The following CACNA1A variants were observed in gnomAD, a reference collection of about 807,000 sequenced individuals.
CACNA1A encodes the protein voltage-dependent P/Q-type calcium channel subunit alpha-1A.
CACNA1A carries 57 observed loss-of-function variants against 262.4 expected under a neutral mutation model. The observed-to-expected ratio is 0.22, with a 90% confidence interval of 0.18 to 0.27. CACNA1A has a LOEUF of 0.27. Ranked by LOEUF, CACNA1A falls within the 10% of genes least tolerant of loss-of-function variation. The pLI is 1.00. For synonymous variants in CACNA1A, 1,431 were observed against 1,419.3 expected (o/e 1.01, Z -0.18); for missense variants, 2,526 against 3,562.8 (o/e 0.71, Z 7.41).
Position 13,241,894 on chromosome 19 carries a change from G to C in CACNA1A, c.4950+3288C>G, listed in dbSNP as rs1334829761. Among the ~76,000 whole-genome samples the C allele has an allele frequency of 1.3e-5, 2 of 152,196 alleles. No individual in the cohort carries two copies. Among genetic ancestry groups the C allele is most frequent in the Non-Finnish European group, 2.9e-5 (2 of 68,038 alleles). ...TCACCCCAGCCACTTGGGGGCAGCA[G>C]CTGAGACAGCACTGGTTAGTACTGC... On this transcript the variant is annotated intron_variant, in intron 31 of 46. Coordinates refer to ENST00000360228, the MANE Select transcript of CACNA1A (RefSeq NM_001127222.2). The surrounding 1 kb of genome is among the most constrained non-coding windows in gnomAD (Gnocchi z 4.0).
intron 3 of CACNA1A, among the ~76,000 whole-genome samples, chr19:13,429,479 T>G (rs1393095692): frequency 6.9e-6 from 1 of 145,610 alleles, no homozygotes; most frequent in Admixed American, 7.2e-5. Context: ...ACACGAGAGA[T>G]GTGTGCCCCC....
intron 3 of CACNA1A, among the ~76,000 whole-genome samples, chr19:13,375,349 T>A (rs1198767502): frequency 1.3e-5 from 2 of 152,106 alleles, no homozygotes; most frequent in African/African-American, 4.8e-5. Flanking sequence ...GCCTTCCTAT[T>A]CCCCGAGACA....
At chr19:13,293,708 G>A (rs181687018) in intron 19 of CACNA1A, among the ~76,000 whole-genome samples, 3 of 150,402 alleles carry the variant, frequency 2.0e-5, no homozygotes, top group African/African-American at 4.9e-5. Context: ...CGCTCACCTC[G>A]GCCTCCCAAA....
At chr19:13,483,574 G>A (rs62111566) in intron 1 of CACNA1A, among the ~76,000 whole-genome samples, 2 of 152,176 alleles carry the variant, frequency 1.3e-5, no homozygotes, top group African/African-American at 2.4e-5. Flanking sequence ...TGAAAATTCC[G>A]GGAAGATAGC....
chr19:13,318,890 C>CTTTTTTTTTTTTTTTTT (rs751530649), intron 10 of CACNA1A, among the ~76,000 whole-genome samples: 23 of 114,668 alleles, frequency 2.0e-4, no homozygotes, highest in African/African-American at 3.7e-4. Flanking sequence ...TAAAATACAT[C>CTTTTTTTTTTTTTTTTT]TTTTTTTTTT....
At chr19:13,333,724 C>G (rs552638541) in intron 8 of CACNA1A, 1 of 152,272 alleles carries the variant, frequency 6.6e-6, no homozygotes, top group South Asian at 2.1e-4. Context: ...CGTGAGCCAC[C>G]GCGCCCGGCC....
chr19:13,395,220 G>C (rs530913264), intron 3 of CACNA1A, among the ~76,000 whole-genome samples: 1 of 145,370 alleles, frequency 6.9e-6, no homozygotes, highest in Non-Finnish European at 1.5e-5. Context: ...GCTGCAGTGA[G>C]CTGAGTTTGC....
intron 38 of CACNA1A, among the ~76,000 whole-genome samples, chr19:13,219,726 G>A (rs1260728477): frequency 3.9e-5 from 6 of 151,970 alleles, no homozygotes; most frequent in African/African-American, 1.4e-4. Flanking sequence ...AGGCCGAGGT[G>A]GGCAGATCAC....
At position 13,208,877 on chromosome 19, in the gene CACNA1A, G is replaced by GGATGGT; in HGVS notation, c.6653_6658dup (p.His2218_His2219dup). 6.2e-6 allele frequency: 9 copies of GGATGGT among 1,459,946 alleles called. No individual in the cohort carries two copies. Among genetic ancestry groups the GGATGGT allele is most frequent in the East Asian group, 2.6e-5 (1 of 37,972 alleles). The allele number at this position is 1,459,946 out of a possible 1,614,324, so 90.4% of individuals were successfully genotyped here. A position where few individuals can be genotyped will look rare whatever the true frequency, so the allele number is the denominator to read the frequency against. On this transcript the variant is annotated inframe_insertion, in exon 46 of 47. Coordinates refer to ENST00000360228, the MANE Select transcript of CACNA1A (RefSeq NM_001127222.2). ...ATAGCGGTCCTTGTCGGGGGGCGGG[G>GGATGGT]GATGGTGGTGGTGGTGGTGGTGGTG...
intron 6 of CACNA1A, among the ~76,000 whole-genome samples, chr19:13,358,064 T>TTC (rs2059038738): frequency 6.6e-6 from 1 of 151,988 alleles, no homozygotes; most frequent in Non-Finnish European, 1.5e-5. Context: ...ATTTAGTCTT[T>TTC]GATCCTGCAA....
chr19:13,403,151 G>C (rs938204610), intron 3 of CACNA1A, among the ~76,000 whole-genome samples: 2 of 151,676 alleles, frequency 1.3e-5, no homozygotes, highest in African/African-American at 4.8e-5. Flanking sequence ...CATCGTTAAT[G>C]TTTAGGGTTC....
chr19:13,230,938 C>T (rs2055641129), intron 35 of CACNA1A, among the ~76,000 whole-genome samples: 1 of 151,942 alleles, frequency 6.6e-6, no homozygotes, highest in South Asian at 2.1e-4. Flanking sequence ...CAAATCCTCC[C>T]ACATCTGCCC....
intron 3 of CACNA1A, among the ~76,000 whole-genome samples, chr19:13,430,146 C>T (rs2060481288): frequency 6.6e-6 from 1 of 151,942 alleles, no homozygotes; most frequent in Admixed American, 6.6e-5. Flanking sequence ...CTTAACGCCG[C>T]TCAACTAAAC....
At chr19:13,318,890 C>CTTTGTTTTTTTT (rs2058186378) in intron 10 of CACNA1A, among the ~76,000 whole-genome samples, 1 of 114,668 alleles carries the variant, frequency 8.7e-6, no homozygotes, top group African/African-American at 3.7e-5. Flanking sequence ...TAAAATACAT[C>CTTTGTTTTTTTT]TTTTTTTTTT....
chr19:13,383,913 C>T (rs2059564710), intron 3 of CACNA1A, among the ~76,000 whole-genome samples: 1 of 152,194 alleles, frequency 6.6e-6, no homozygotes, highest in Non-Finnish European at 1.5e-5. Flanking sequence ...CTCTCAGGCT[C>T]AAGCAATCCT....
chr19:13,470,480 C>G (rs1436502846), intron 1 of CACNA1A, among the ~76,000 whole-genome samples: 1 of 152,204 alleles, frequency 6.6e-6, no homozygotes, highest in South Asian at 2.1e-4. Flanking sequence ...TTTTGCTCCT[C>G]TTTTTCTATC....
intron 3 of CACNA1A, among the ~76,000 whole-genome samples, chr19:13,396,623 C>T (rs902256280): frequency 1.3e-5 from 2 of 152,200 alleles, no homozygotes; most frequent in Non-Finnish European, 2.9e-5. Flanking sequence ...TAAATAGCCT[C>T]GTGTGGCTAG....
At position 13,255,228 on chromosome 19, in the gene CACNA1A, T is replaced by C; in HGVS notation, c.4622A>G (p.Lys1541Arg). 1 of 1,605,620 alleles carries C rather than the reference T, an allele frequency of 6.2e-7. No homozygotes were observed. The highest frequency in any genetic ancestry group is 1.1e-5 in the South Asian group (1 of 90,842). Residue 1541 changes from lysine (K) to arginine (R), a missense_variant, in exon 29 of 47, where the codon AAG becomes AGG. Around this residue, in one of 17 missense-constraint regions of CACNA1A, gnomAD observed 36 missense variants for 47.3 expected, o/e 0.76. Transcript: ENST00000360228. ...RACIDFAISA[K>R]PLTRHMPQNK... is the part of the protein sequence containing the mutation. ...CTGCGGCATGTGTCGGGTCAGCGGC[T>C]TGGCGCTGATGGCGAAATCAATGCA... is the stretch of plus-strand genomic sequence containing the variant.
chr19:13,502,177 A>T (rs2145176563), intron 1 of CACNA1A, among the ~76,000 whole-genome samples: 1 of 126,670 alleles, frequency 7.9e-6, no homozygotes, highest in South Asian at 2.4e-4. Flanking sequence ...AAAAAAAAAA[A>T]AAATGAGAGG....
Sources: allele counts gnomAD v4.1 joint callset (sites outside exome capture counted in the v4.1 genomes callset), GRCh38; gene constraint gnomAD v4.1.1; regional missense constraint gnomAD v4.1.1; non-coding constraint Gnocchi (gnomAD v3.1); transcripts MANE v1.5; gene names NCBI Gene and HGNC (gene_info 2026-07-23, HGNC 2026-07-21).